Variants in HDAC9 observed in about 807,000 individuals in gnomAD.
The protein encoded by HDAC9 is histone deacetylase 9.
HDAC9 carries 41 observed loss-of-function variants against 139.4 expected under a neutral mutation model. The ratio of observed to expected loss-of-function variants is 0.29; its 90% CI spans 0.23 to 0.38. The LOEUF (loss-of-function observed/expected upper bound fraction) is 0.38, where lower values mean the gene tolerates loss of function less well. Among genes scored for constraint, HDAC9 ranks in the 10% least tolerant of loss-of-function variants. HDAC9 has a pLI of 1.00. For missense variants in HDAC9, 1,147 were observed against 1,297.0 expected (o/e 0.88, Z 1.78); for synonymous variants, 517 against 476.2 (o/e 1.09, Z -1.12).
At chr7:18,634,500 T>C in intron 7 of HDAC9, 127 bp from the exon 8 acceptor site, 1 of 608,472 alleles carries the variant, frequency 1.6e-6, no homozygotes, top group Non-Finnish European at 2.9e-6. Flanking sequence ...GTTCTTTCTA[T>C]TTTGTGAAAT....
chr7:18,129,977 T>C (rs747499971), intron 1 of HDAC9, among the ~76,000 whole-genome samples: 16 of 152,146 alleles, frequency 1.1e-4, no homozygotes, highest in South Asian at 2.1e-4. Flanking sequence ...GATCTACTCT[T>C]GACGATGATT....
intron 21 of HDAC9, among the ~76,000 whole-genome samples, chr7:18,873,914 T>A (rs922186650): frequency 2.6e-5 from 4 of 152,142 alleles, no homozygotes; most frequent in African/African-American, 9.7e-5. Context: ...TTGGACTCAC[T>A]TAACATTGTA....
chr7:18,301,592 G>A (rs1798544625), intron 1 of HDAC9, among the ~76,000 whole-genome samples: 1 of 151,940 alleles, frequency 6.6e-6, no homozygotes, highest in East Asian at 1.9e-4. Context: ...TGAAAACTTT[G>A]ACTCCTACTG....
At chr7:18,281,111 G>T (rs918151825) in intron 2 of HDAC9, among the ~76,000 whole-genome samples, 2 of 152,176 alleles carry the variant, frequency 1.3e-5, no homozygotes, top group African/African-American at 4.8e-5. Flanking sequence ...ACACAAGGTG[G>T]AACAGAGCTT....
At chr7:18,390,553 C>T (rs979874777) in intron 1 of HDAC9, among the ~76,000 whole-genome samples, 1 of 152,150 alleles carries the variant, frequency 6.6e-6, no homozygotes, top group Non-Finnish European at 1.5e-5. Context: ...CCTCTCTTTC[C>T]ACTTCAGTAT....
chr7:18,887,488 C>T (rs1278335218), intron 22 of HDAC9, among the ~76,000 whole-genome samples: 1 of 152,080 alleles, frequency 6.6e-6, no homozygotes, highest in Admixed American at 6.5e-5. Context: ...AGAAATAGTA[C>T]AAATCACGTG....
At chr7:18,826,556 T>C (rs905313331) in intron 17 of HDAC9, among the ~76,000 whole-genome samples, 2 of 151,982 alleles carry the variant, frequency 1.3e-5, no homozygotes, top group Non-Finnish European at 1.5e-5. Context: ...AGCAGAATGA[T>C]GGAGGTTCCC....
At chr7:18,274,334 A>G (rs987803557) in intron 2 of HDAC9, among the ~76,000 whole-genome samples, 12 of 152,186 alleles carry the variant, frequency 7.9e-5, no homozygotes, top group African/African-American at 2.7e-4. Context: ...GGTGGAAAAT[A>G]GAAGGTAAGC....
chr7:18,994,501 A>T lies in HDAC9; in HGVS notation c.3171-1522A>T, dbSNP rs140322778. Reference sequence around the variant, plus strand: ...ACCTCCTTATCCCAGACACTCTAGGACAGGCTATAACTTCTTAAGAAGCAA... The same window carrying T: ...ACCTCCTTATCCCAGACACTCTAGGTCAGGCTATAACTTCTTAAGAAGCAA... On this transcript the variant is annotated intron_variant, in intron 25 of 25. Transcript: ENST00000686413. Among the ~76,000 whole-genome samples the T allele has an allele frequency of 8.5e-4, 130 of 152,314 alleles. 2 individuals carry two copies. In the Middle Eastern group the frequency reaches 0.014, roughly 16 times the overall value.
At position 18,680,436 on chromosome 7, in the gene HDAC9, T is replaced by C. The variant is rs1781815352; in HGVS notation, c.1731+13960T>C. On this transcript the variant is annotated intron_variant, in intron 12 of 25. Coordinates refer to ENST00000686413, the MANE Select transcript of HDAC9 (RefSeq NM_178425.4). Reference sequence around the variant, plus strand: ...TTCTTAAAGCAATCAGAATATTAGCTGAAGTTAGTGTTAGTGAACCTTGAT... The same window carrying C: ...TTCTTAAAGCAATCAGAATATTAGCCGAAGTTAGTGTTAGTGAACCTTGAT... 2.0e-5 allele frequency among the ~76,000 whole-genome samples: 3 copies of C among 152,026 alleles called. No individual in the cohort carries two copies. In the South Asian group the frequency reaches 6.2e-4, roughly 31 times the overall value.
chr7:18,901,275 T>TAA (rs1801696474), intron 22 of HDAC9, among the ~76,000 whole-genome samples: 1 of 149,306 alleles, frequency 6.7e-6, no homozygotes, highest in Non-Finnish European at 1.5e-5. Flanking sequence ...TATATATATA[T>TAA]AAAATTGTAT....
At chr7:18,286,003 A>G (rs148549510), upstream of HDAC9, among the ~76,000 whole-genome samples, 712 of 152,226 alleles carry the variant, frequency 4.7e-3, 6 homozygotes, top group African/African-American at 0.017. Context: ...GAGTTCCCCA[A>G]CAATGTTGAA....
chr7:18,745,369 A>C (rs1335584613), intron 13 of HDAC9, among the ~76,000 whole-genome samples: 1 of 152,078 alleles, frequency 6.6e-6, no homozygotes, highest in Non-Finnish European at 1.5e-5. Flanking sequence ...CCTGGCAAAA[A>C]TTCCCAGCTA....
intron 12 of HDAC9, chr7:18,668,303 C>A: frequency 1.0e-6 from 1 of 955,750 alleles, no homozygotes; most frequent in Non-Finnish European, 1.2e-6. Context: ...TAGTATATTC[C>A]TTCATATTAA....
chr7:18,789,545 C>G (rs1453195338), intron 16 of HDAC9, among the ~76,000 whole-genome samples: 1 of 152,174 alleles, frequency 6.6e-6, no homozygotes, highest in Admixed American at 6.5e-5. Context: ...TCATTTATTT[C>G]CTTTCCAGCC....
intron 22 of HDAC9, among the ~76,000 whole-genome samples, chr7:18,904,174 T>G (rs1801990404): frequency 6.6e-6 from 1 of 152,248 alleles, no homozygotes; most frequent in Admixed American, 6.5e-5. Flanking sequence ...TCTACTTTAG[T>G]GGCAAGTATG....
At chr7:18,317,013 G>A (rs1327946320) in intron 1 of HDAC9, among the ~76,000 whole-genome samples, 3 of 151,338 alleles carry the variant, frequency 2.0e-5, no homozygotes, top group African/African-American at 7.3e-5. Context: ...AGAATGGCGT[G>A]AACCCGGGAG....
intron 12 of HDAC9, among the ~76,000 whole-genome samples, chr7:18,708,923 C>T (rs1028782767): frequency 1.4e-4 from 21 of 152,068 alleles, no homozygotes; most frequent in African/African-American, 5.1e-4. Context: ...CACACACCCA[C>T]ACACATGCAC....
intron 6 of HDAC9, among the ~76,000 whole-genome samples, chr7:18,598,600 GC>G (rs1219062682): frequency 6.6e-6 from 1 of 152,154 alleles, no homozygotes; most frequent in African/African-American, 2.4e-5. Flanking sequence ...TGCATGTAAA[GC>G]ACTTAGGATC....
Sources: allele counts gnomAD v4.1 joint callset (sites outside exome capture counted in the v4.1 genomes callset), GRCh38; gene constraint gnomAD v4.1.1; transcripts MANE v1.5; gene names NCBI Gene and HGNC (gene_info 2026-07-23, HGNC 2026-07-21).